The following HERC2 variants were observed in gnomAD, a reference collection of about 807,000 sequenced individuals.
HERC2 encodes E3 ubiquitin-protein ligase HERC2.
In HERC2, 102 loss-of-function variants were observed where a neutral mutation model predicts 537.7. The observed-to-expected ratio is 0.19, with a 90% confidence interval of 0.16 to 0.22. The LOEUF (loss-of-function observed/expected upper bound fraction) is 0.22. HERC2 is among the 10% of genes least tolerant of loss of function. The probability of loss-of-function intolerance (pLI) is 1.00; values close to 1 mark genes in which losing one functional copy is unlikely to be tolerated. For synonymous variants in HERC2, 2,224 were observed against 2,466.2 expected (o/e 0.90, Z 2.91); for missense variants, 4,236 against 6,198.2 (o/e 0.68, Z 10.63).
At chr15:28,180,959 G>A (rs1895764041) in intron 57 of HERC2, among the ~76,000 whole-genome samples, 1 of 152,136 alleles carries the variant, frequency 6.6e-6, no homozygotes, top group Non-Finnish European at 1.5e-5. Flanking sequence ...GTATCCACAG[G>A]AAGTCCTGGA....
chr15:28,143,712 G>A (rs527960090), intron 74 of HERC2, among the ~76,000 whole-genome samples, 161 bp downstream of exon 74: 4 of 151,908 alleles, frequency 2.6e-5, no homozygotes, highest in African/African-American at 7.3e-5. Context: ...TCCCAAAGTG[G>A]TGGCATTACA....
intron 2 of HERC2, among the ~76,000 whole-genome samples, chr15:28,310,075 C>T (rs978253300): frequency 2.9e-4 from 44 of 152,292 alleles, no homozygotes; most frequent in African/African-American, 9.6e-4. Context: ...AAGACTGAGG[C>T]AAGAGAATCA....
chr15:28,159,098 A>G (rs1414614076), intron 69 of HERC2, among the ~76,000 whole-genome samples: 1 of 152,242 alleles, frequency 6.6e-6, no homozygotes, highest in Non-Finnish European at 1.5e-5. Context: ...GTTTCTGCCC[A>G]GAGATCCGCT....
chr15:28,218,665 T>G lies in HERC2; in HGVS notation c.5852A>C (p.Glu1951Ala). Residue 1951 changes from glutamate to alanine, a missense_variant, in exon 38 of 93, where the codon GAA becomes GCA. Transcript: ENST00000261609. ...GGGGTGAATGTTCCTTTCAGTTTGT[T>G]CGGCTTCTAAAAAAAATAATCAAAA... ...DSDTEDDSEA[E>A]QTERNIHPTA... 3 of 1,583,460 alleles carry G rather than the reference T, an allele frequency of 1.9e-6. No homozygotes were observed. Among genetic ancestry groups the G allele is most frequent in the Non-Finnish European group, 2.6e-6 (3 of 1,166,330 alleles).
intron 3 of HERC2, among the ~76,000 whole-genome samples, chr15:28,299,101 T>C (rs946509381): frequency 1.3e-4 from 20 of 152,190 alleles, no homozygotes; most frequent in East Asian, 5.8e-4. Context: ...CTAAATAAGA[T>C]TGTTCAATGG....
chr15:28,245,658 T>G (rs903037803), intron 23 of HERC2, among the ~76,000 whole-genome samples: 1 of 150,540 alleles, frequency 6.6e-6, no homozygotes, highest in African/African-American at 2.5e-5. Context: ...CACACTCATA[T>G]ATACACACAC....
At chr15:28,205,253 C>T (rs115025302) in intron 45 of HERC2, among the ~76,000 whole-genome samples, 5,486 of 128,488 alleles carry the variant, frequency 0.043, 249 homozygotes, top group African/African-American at 0.18. Flanking sequence ...CACGGCCTTC[C>T]AGTTGTTCAC....
In HERC2 at chr15:28,246,727, G is replaced by A; in HGVS notation, c.3391+15C>T. 8 of 1,544,360 alleles carry A rather than the reference G, an allele frequency of 5.2e-6. No individual in the cohort carries two copies. Among genetic ancestry groups the A allele is most frequent in the Non-Finnish European group, 7.0e-6 (8 of 1,148,358 alleles). On this transcript the variant is annotated intron_variant, in intron 22 of 92. Coordinates refer to ENST00000261609, the MANE Select transcript of HERC2 (RefSeq NM_004667.6). ...CCTAAAATAAACATGTACACAAGCA[G>A]GAAACAAAAGGTACCAGTAAAGTCC...
chr15:28,292,732 G>A (rs773201937), intron 4 of HERC2, among the ~76,000 whole-genome samples, 156 bp downstream of exon 4: 2 of 152,050 alleles, frequency 1.3e-5, no homozygotes, highest in Non-Finnish European at 2.9e-5. Context: ...GGTTAAAACG[G>A]TAAGTTTTAT....
intron 2 of HERC2, among the ~76,000 whole-genome samples, chr15:28,304,165 CAAAAAAAAAAAA>C (rs779514776): frequency 2.5e-4 from 16 of 63,824 alleles, no homozygotes; most frequent in African/African-American, 8.3e-4. Context: ...GACTCCATCT[CAAAAAAAAAAAA>C]AAAAAAAAAA....
At chr15:28,303,581 T>TGAAGAATGTCATTG (rs2076694800) in intron 2 of HERC2, among the ~76,000 whole-genome samples, 1 of 152,204 alleles carries the variant, frequency 6.6e-6, no homozygotes, top group African/African-American at 2.4e-5. Flanking sequence ...TCTATTTCTG[T>TGAAGAATGTCATTG]GAAGAATGTC....
intron 21 of HERC2, 73 bp from the exon 22 acceptor site, chr15:28,246,970 G>A (rs560386150): frequency 1.5e-5 from 20 of 1,294,584 alleles, no homozygotes; most frequent in Admixed American, 5.9e-5. Flanking sequence ...ACTGCTCCAT[G>A]ATGCTATTCT....
chr15:28,269,398 T>C lies in HERC2; in HGVS notation c.1296A>G (p.Gly432=), dbSNP rs199686180. 2.5e-5 allele frequency: 41 copies of C among 1,614,072 alleles called. No homozygotes were observed. Among genetic ancestry groups the C allele is most frequent in the Middle Eastern group, 1.6e-4 (1 of 6,084 alleles). ...CAATCACATTGGCATAGTATTTCCA[T>C]CCTATTAACCCCCAACCTATGACCT... ...LQEVIGWGLI[G]WKYYANVIGP... The change falls in exon 11 of 93, where the codon GGA becomes GGG. Residue 432 remains glycine, a synonymous_variant. Transcript: ENST00000261609.
At chr15:28,237,226 C>G (rs1902559152) in intron 25 of HERC2, 113 bp from the exon 26 acceptor site, 3 of 824,422 alleles carry the variant, frequency 3.6e-6, no homozygotes, top group Non-Finnish European at 6.1e-6. Context: ...CAGGGGTGCT[C>G]TGGGCATTCT....
At chr15:28,207,838 A>G (rs1898649751) in intron 44 of HERC2, among the ~76,000 whole-genome samples, 1 of 151,978 alleles carries the variant, frequency 6.6e-6, no homozygotes, top group African/African-American at 2.4e-5. Flanking sequence ...CTCTGTCCCA[A>G]CTACTCAGCT....
chr15:28,270,855 G>A lies in HERC2; in HGVS notation c.1097C>T (p.Pro366Leu). The A allele has an allele frequency of 6.2e-7, 1 of 1,613,650 alleles. No individual in the cohort carries two copies. Among genetic ancestry groups the A allele is most frequent in the Non-Finnish European group, 8.5e-7 (1 of 1,179,814 alleles). ...CAGGAAACTCTCATTGGGGCTCAGA[G>A]GGCCAGACAAAAGCTAGAAAGGAAA... ...SEGDMHLLSG[P>L]LSPNESFLRY... is the part of the protein sequence containing the mutation. The change falls in exon 10 of 93, where the codon CCT (proline) becomes CTT (leucine). Residue 366 changes from proline to leucine, a missense_variant. This residue lies in a region of HERC2 where 491 missense variants were observed against 559.3 expected (regional missense o/e 0.88). Transcript: ENST00000261609.
Position 28,124,993 on chromosome 15 carries a change from T to A in HERC2, c.12990+13A>T. ...TTGCTTGCCCCCGACCCACCCAACC[T>A]GCCCGGACTCACCTGTGCAGGGAGT... is the stretch of plus-strand genomic sequence containing the variant. On this transcript the variant is annotated intron_variant, in intron 84 of 92. Transcript: ENST00000261609. 1 of 1,584,840 alleles carries A rather than the reference T, an allele frequency of 6.3e-7. No individual in the cohort carries two copies. Among genetic ancestry groups the A allele is most frequent in the East Asian group, 2.3e-5 (1 of 43,982 alleles).
chr15:28,164,536 CA>C (rs80350074), intron 68 of HERC2, among the ~76,000 whole-genome samples: 10,561 of 152,058 alleles, frequency 0.069, 884 homozygotes, highest in East Asian at 0.42. Context: ...ATGTACCTAC[CA>C]TTTTTTTTTA....
chr15:28,152,538 G>A, intron 70 of HERC2, 139 bp downstream of exon 70: 1 of 738,056 alleles, frequency 1.4e-6, no homozygotes, highest in South Asian at 2.3e-5. Context: ...TTAGAAAAGG[G>A]GAGAAAAGTG....
Sources: gnomAD v4.1 joint callset for allele counts (sites outside exome capture counted in the v4.1 genomes callset) on GRCh38, gnomAD v4.1.1 for gene constraint, gnomAD v4.1.1 regional missense constraint, MANE v1.5 for transcripts, NCBI Gene and HGNC (gene_info 2026-07-23, HGNC 2026-07-21) for gene names.